Variants in LAMA2 observed in about 807,000 individuals in gnomAD.
The protein encoded by LAMA2 is laminin subunit alpha 2.
LAMA2 carries 269 observed loss-of-function variants against 364.8 expected under a neutral mutation model. The ratio of observed to expected loss-of-function variants is 0.74; its 90% CI spans 0.67 to 0.82. The LOEUF (loss-of-function observed/expected upper bound fraction) is 0.82. LAMA2 is among the 40% of genes least tolerant of loss of function. LAMA2 has a pLI of 0.00. For missense variants in LAMA2, 3,807 were observed against 3,873.2 expected (o/e 0.98, Z 0.45); for synonymous variants, 1,379 against 1,370.6 (o/e 1.01, Z -0.14).
intron 1 of LAMA2, 69 bp downstream of exon 1, chr6:128,883,426 T>C: frequency 6.5e-7 from 1 of 1,543,138 alleles, no homozygotes; most frequent in South Asian, 1.2e-5. Flanking sequence ...CTTCCACTCT[T>C]CCGAGAGTTG....
chr6:129,013,388 G>C (rs1021152773), intron 1 of LAMA2, among the ~76,000 whole-genome samples: 4 of 151,912 alleles, frequency 2.6e-5, no homozygotes, highest in Admixed American at 1.3e-4. Flanking sequence ...AGGGAGCCGA[G>C]ATCGCGCCAC....
intron 12 of LAMA2, among the ~76,000 whole-genome samples, chr6:129,228,194 G>T (rs929317676): frequency 9.2e-5 from 14 of 152,172 alleles, no homozygotes; most frequent in Admixed American, 7.2e-4. Flanking sequence ...TGGTATTAGG[G>T]TGGGAGTGAC....
At chr6:129,317,600 T>TA (rs3839400) in intron 27 of LAMA2, among the ~76,000 whole-genome samples, 24 of 148,256 alleles carry the variant, frequency 1.6e-4, no homozygotes, top group East Asian at 3.9e-4. Context: ...TATGAAATAA[T>TA]AAAAAAAATA....
At chr6:129,007,910 T>C (rs1784534918) in intron 1 of LAMA2, among the ~76,000 whole-genome samples, 1 of 152,308 alleles carries the variant, frequency 6.6e-6, no homozygotes, top group East Asian at 1.9e-4. Context: ...TGGCGTTTCA[T>C]GCAACCTGCT....
intron 37 of LAMA2, among the ~76,000 whole-genome samples, chr6:129,394,780 T>C (rs1294466116): frequency 1.3e-5 from 2 of 152,238 alleles, no homozygotes; most frequent in African/African-American, 4.8e-5. Context: ...GCACAGTCAA[T>C]AGTACCTTTA....
chr6:128,898,651 A>T (rs752965024), intron 1 of LAMA2, among the ~76,000 whole-genome samples: 2 of 152,302 alleles, frequency 1.3e-5, no homozygotes, highest in South Asian at 4.1e-4. Context: ...CCATTTTACA[A>T]TCAATTTTCC....
At chr6:129,174,165 A>G (rs956010385) in intron 9 of LAMA2, among the ~76,000 whole-genome samples, 10 of 150,774 alleles carry the variant, frequency 6.6e-5, no homozygotes, top group African/African-American at 2.2e-4. Flanking sequence ...TAATCCTAGA[A>G]CTCTCATCTA....
intron 58 of LAMA2, among the ~76,000 whole-genome samples, chr6:129,495,821 C>T (rs1220468112): frequency 1.3e-5 from 2 of 151,820 alleles, no homozygotes; most frequent in Admixed American, 1.3e-4. Flanking sequence ...GATTTTTACT[C>T]ATTTAAGGTT....
intron 13 of LAMA2, 57 bp from the exon 14 acceptor site, chr6:129,252,027 C>A (rs560915290): frequency 3.7e-5 from 44 of 1,177,504 alleles, no homozygotes; most frequent in Non-Finnish European, 2.9e-5. Flanking sequence ...ATGTTTGACA[C>A]TTTTGTACCC....
chr6:129,393,333 T>C, intron 37 of LAMA2, 78 bp downstream of exon 37: 1 of 1,038,174 alleles, frequency 9.6e-7, no homozygotes. Flanking sequence ...GGCTGGACTA[T>C]TCAAGTTGAT....
chr6:129,118,404 T>C (rs1320395825), intron 4 of LAMA2, among the ~76,000 whole-genome samples: 4 of 152,228 alleles, frequency 2.6e-5, no homozygotes, highest in African/African-American at 9.6e-5. Context: ...TGTGAGTTGG[T>C]TTACGATTCC....
intron 3 of LAMA2, among the ~76,000 whole-genome samples, chr6:129,082,193 T>C (rs887894914): frequency 6.6e-6 from 1 of 152,136 alleles, no homozygotes; most frequent in African/African-American, 2.4e-5. Flanking sequence ...CCTAAGTGGA[T>C]ACTGGTGACT....
At chr6:129,237,000 G>T (rs1352554809) in intron 12 of LAMA2, among the ~76,000 whole-genome samples, 3 of 152,224 alleles carry the variant, frequency 2.0e-5, no homozygotes, top group Non-Finnish European at 4.4e-5. Context: ...GTACTAGACT[G>T]TGAAGGTTCA....
intron 12 of LAMA2, among the ~76,000 whole-genome samples, chr6:129,205,828 C>T (rs1782605939): frequency 6.6e-6 from 1 of 151,894 alleles, no homozygotes; most frequent in African/African-American, 2.4e-5. Context: ...AGTTCAAGAC[C>T]AGCCTGGCCA....
At chr6:128,963,671 CT>C (rs1781673783) in intron 1 of LAMA2, among the ~76,000 whole-genome samples, 1 of 152,168 alleles carries the variant, frequency 6.6e-6, no homozygotes, top group Non-Finnish European at 1.5e-5. Context: ...GTTATCCCAG[CT>C]TCTAAGCTAA....
intron 41 of LAMA2, among the ~76,000 whole-genome samples, chr6:129,428,967 A>G (rs1184379462): frequency 6.6e-6 from 1 of 152,006 alleles, no homozygotes; most frequent in African/African-American, 2.4e-5. Flanking sequence ...TCTGTCTCAT[A>G]TCTGTCTCCC....
intron 8 of LAMA2, among the ~76,000 whole-genome samples, chr6:129,156,691 A>T (rs1301120308): frequency 6.6e-6 from 1 of 152,202 alleles, no homozygotes; most frequent in Non-Finnish European, 1.5e-5. Flanking sequence ...TTAGGAGAGG[A>T]TGTTTTCCGT....
In LAMA2 at chr6:129,464,415, C is replaced by T. The variant is rs758887080; in HGVS notation, c.7118C>T (p.Ser2373Leu). 9.5e-5 allele frequency: 153 copies of T among 1,612,150 alleles called. 3 individuals carry two copies. In the South Asian group the frequency reaches 1.3e-3, roughly 14 times the overall value. ...TVMFKFRTFS[S>L]SALLMYLATR... Reference sequence around the variant, plus strand: ...ATGTTCAAGTTCAGAACATTTTCTTCGAGTGCTCTTCTGATGTATCTTGCC... The same window carrying T: ...ATGTTCAAGTTCAGAACATTTTCTTTGAGTGCTCTTCTGATGTATCTTGCC... Residue 2373 changes from serine (S) to leucine (L), a missense_variant, in exon 50 of 65, where the codon TCG becomes TTG. Physicochemically the swap from Ser to Leu is moderately radical, Grantham distance 145. Around this residue, in one of 3 missense-constraint regions of LAMA2, gnomAD observed 3,333 missense variants for 3,345.7 expected, o/e 1.00. Transcript: ENST00000421865.
At chr6:129,495,529 T>C (rs1785120960) in intron 58 of LAMA2, among the ~76,000 whole-genome samples, 1 of 152,222 alleles carries the variant, frequency 6.6e-6, no homozygotes, top group Non-Finnish European at 1.5e-5. Context: ...TTAATAGATA[T>C]ATCATGCTAC....
Sources: gnomAD v4.1 joint callset for allele counts (sites outside exome capture counted in the v4.1 genomes callset) on GRCh38, gnomAD v4.1.1 for gene constraint, gnomAD v4.1.1 regional missense constraint, MANE v1.5 for transcripts, NCBI Gene and HGNC (gene_info 2026-07-23, HGNC 2026-07-21) for gene names.